The following RPS6KA2 variants were observed in gnomAD, a reference collection of about 807,000 sequenced individuals.
RPS6KA2 encodes the protein ribosomal protein S6 kinase alpha-2.
A neutral mutation model predicts 91.8 loss-of-function variants in RPS6KA2; 42 were observed. The observed-to-expected ratio is 0.46, with a 90% CI of 0.36 to 0.59. RPS6KA2 has a LOEUF of 0.59. RPS6KA2 is among the 20% of genes least tolerant of loss of function. The pLI is 0.00. For missense variants in RPS6KA2, 798 were observed against 978.5 expected (o/e 0.82, Z 2.46); for synonymous variants, 414 against 393.6 (o/e 1.05, Z -0.61).
intron 19 of RPS6KA2, among the ~76,000 whole-genome samples, chr6:166,417,059 G>GATTT (rs1778556454): frequency 6.6e-6 from 1 of 152,176 alleles, no homozygotes; most frequent in Non-Finnish European, 1.5e-5. Flanking sequence ...GCTGGATTAT[G>GATTT]ATTTACTATT....
intron 2 of RPS6KA2, among the ~76,000 whole-genome samples, chr6:166,717,752 G>T (rs1048353020): frequency 2.0e-5 from 3 of 152,170 alleles, no homozygotes; most frequent in African/African-American, 4.8e-5. Flanking sequence ...TACCAGGGGT[G>T]CCTCTCACAA....
At chr6:166,818,659 G>A (rs1456491227) in intron 2 of RPS6KA2, among the ~76,000 whole-genome samples, 1 of 152,138 alleles carries the variant, frequency 6.6e-6, no homozygotes, top group Admixed American at 6.5e-5. Flanking sequence ...TAAAGTGGAG[G>A]TTGAAAACAG....
At position 166,732,379 on chromosome 6, in the gene RPS6KA2, T is replaced by C. The variant is rs555194163; in HGVS notation, c.123+125821A>G. Among the ~76,000 whole-genome samples the C allele has an allele frequency of 5.9e-5, 9 of 152,302 alleles. No individual in the cohort carries two copies. The highest frequency in any genetic ancestry group is 2.2e-4 in the African/African-American group (9 of 41,564). On this transcript the variant is annotated intron_variant, in intron 2 of 21. Transcript: ENST00000503859. This position sits in a 1 kb window ranked among gnomAD's most constrained non-coding sequence, Gnocchi z 4.0. Reference sequence around the variant, plus strand: ...GCCAGTGGCACATGGGGTCTGATTATTGGAGGCTGTTGGAGAGAGCTGGGT... The same window carrying C: ...GCCAGTGGCACATGGGGTCTGATTACTGGAGGCTGTTGGAGAGAGCTGGGT...
chr6:166,630,689 T>C (rs2128545486), upstream of RPS6KA2, among the ~76,000 whole-genome samples: 1 of 152,314 alleles, frequency 6.6e-6, no homozygotes, highest in Non-Finnish European at 1.5e-5. Flanking sequence ...TGGGCTTCAG[T>C]GTGTGCCCCT....
At chr6:166,781,512 C>T (rs2046696863) in intron 2 of RPS6KA2, among the ~76,000 whole-genome samples, 1 of 152,212 alleles carries the variant, frequency 6.6e-6, no homozygotes, top group Non-Finnish European at 1.5e-5. Context: ...TACATGCACC[C>T]ACCCAAGTCA....
At chr6:166,668,254 C>T (rs1372246052) in intron 2 of RPS6KA2, among the ~76,000 whole-genome samples, 1 of 152,172 alleles carries the variant, frequency 6.6e-6, no homozygotes, top group African/African-American at 2.4e-5. Context: ...GGCGTGAAGT[C>T]CCAAATCCAA....
At chr6:166,443,449 G>A (rs1411406546) in intron 14 of RPS6KA2, among the ~76,000 whole-genome samples, 5 of 152,158 alleles carry the variant, frequency 3.3e-5, no homozygotes, top group Admixed American at 2.6e-4. Context: ...CACTAAACAC[G>A]GTGAAAAATA....
At chr6:166,809,740 G>A (rs192521881) in intron 2 of RPS6KA2, among the ~76,000 whole-genome samples, 3 of 152,232 alleles carry the variant, frequency 2.0e-5, no homozygotes, top group Non-Finnish European at 2.9e-5. Flanking sequence ...GCAGGTGGGT[G>A]CAGGTGGCAC....
At chr6:166,747,735 G>T (rs1455315887) in intron 2 of RPS6KA2, among the ~76,000 whole-genome samples, 2 of 152,224 alleles carry the variant, frequency 1.3e-5, no homozygotes. Context: ...GCTGGTGTGT[G>T]CGTGGATGCT....
intron 2 of RPS6KA2, among the ~76,000 whole-genome samples, chr6:166,694,144 T>C (rs1789292781): frequency 6.6e-6 from 1 of 152,208 alleles, no homozygotes; most frequent in African/African-American, 2.4e-5. Context: ...GCCCACATGC[T>C]CTCTGCCTCC....
chr6:166,708,048 A>G (rs987977096), intron 2 of RPS6KA2, among the ~76,000 whole-genome samples: 1 of 152,236 alleles, frequency 6.6e-6, no homozygotes, highest in African/African-American at 2.4e-5. Context: ...CTGGCCTGAG[A>G]ATAATTTCTT....
chr6:166,453,179 C>T (rs999833720), intron 12 of RPS6KA2, among the ~76,000 whole-genome samples: 64 of 145,918 alleles, frequency 4.4e-4, no homozygotes, highest in African/African-American at 5.0e-4. Context: ...CCAGCCTGGG[C>T]GACAGAGTGA....
At chr6:166,515,092 G>T (rs378373) in intron 3 of RPS6KA2, among the ~76,000 whole-genome samples, 39,006 of 152,058 alleles carry the variant, frequency 0.26, 6,170 homozygotes, top group Non-Finnish European at 0.34. Context: ...TGAGGACCTC[G>T]GTAGGGTTAC....
chr6:166,650,681 A>G, intron 2 of RPS6KA2, among the ~76,000 whole-genome samples: 1 of 152,226 alleles, frequency 6.6e-6, no homozygotes, highest in East Asian at 1.9e-4. Flanking sequence ...TTGCCCAAGT[A>G]GGTGGCATTC....
chr6:166,576,793 T>G (rs921349693), intron 1 of RPS6KA2, among the ~76,000 whole-genome samples: 2 of 152,120 alleles, frequency 1.3e-5, no homozygotes, highest in Admixed American at 1.3e-4. Context: ...TTGAGGAAAT[T>G]TGCATAAGTA....
chr6:166,737,098 C>T lies in RPS6KA2; in HGVS notation c.123+121102G>A, dbSNP rs1033137769. On this transcript the variant is annotated intron_variant, in intron 2 of 21. Transcript: ENST00000503859. The surrounding 1 kb of genome is among the most constrained non-coding windows in gnomAD (Gnocchi z 4.3). ...AGACGCAAAAAGATAGATGCACATT[C>T]TTTGTCAACTGTCACAAACGAGGTC... 2.0e-5 allele frequency among the ~76,000 whole-genome samples: 3 copies of T among 152,198 alleles called. No homozygotes were observed. Among genetic ancestry groups the T allele is most frequent in the Non-Finnish European group, 1.5e-5 (1 of 68,050 alleles).
intron 12 of RPS6KA2, among the ~76,000 whole-genome samples, chr6:166,454,742 G>A (rs746404983): frequency 1.3e-5 from 2 of 151,970 alleles, no homozygotes; most frequent in Non-Finnish European, 2.9e-5. Flanking sequence ...CAGTTGCATG[G>A]ACTGACAGAG....
intron 2 of RPS6KA2, among the ~76,000 whole-genome samples, chr6:166,760,182 C>T (rs1024147357): frequency 6.6e-5 from 10 of 152,136 alleles, no homozygotes; most frequent in Non-Finnish European, 1.0e-4. Flanking sequence ...GGCAATGTTC[C>T]CAGCTTAGGC....
intron 2 of RPS6KA2, among the ~76,000 whole-genome samples, chr6:166,794,487 T>C (rs1471965029): frequency 5.3e-5 from 8 of 151,670 alleles, no homozygotes; most frequent in East Asian, 1.9e-4. Context: ...CCGTTTGACC[T>C]AGCCATCCCA....
Sources: allele counts gnomAD v4.1 joint callset (sites outside exome capture counted in the v4.1 genomes callset), GRCh38; gene constraint gnomAD v4.1.1; non-coding constraint Gnocchi (gnomAD v3.1); transcripts MANE v1.5; gene names NCBI Gene and HGNC (gene_info 2026-07-23, HGNC 2026-07-21).